HOMER2: variants seen among roughly 807,000 people sequenced by gnomAD.
HOMER2 encodes the protein homer scaffold protein 2.
Under a neutral mutation model 47.0 loss-of-function variants are expected in HOMER2, and 27 were observed. The observed-to-expected ratio is 0.57, with a 90% confidence interval of 0.42 to 0.79. The LOEUF is 0.79. Among genes scored for constraint, HOMER2 ranks in the 30% least tolerant of loss-of-function variants. The probability of loss-of-function intolerance (pLI) is 0.00; values close to 1 mark genes in which losing one functional copy is unlikely to be tolerated. For missense variants in HOMER2, 443 were observed against 435.0 expected (o/e 1.02, Z -0.16); for synonymous variants, 161 against 163.8 (o/e 0.98, Z 0.13).
intron 1 of HOMER2, among the ~76,000 whole-genome samples, chr15:82,928,752 T>C (rs1411672900): frequency 6.6e-6 from 1 of 151,622 alleles, no homozygotes; most frequent in Non-Finnish European, 1.5e-5. Context: ...CAGTCTCACC[T>C]CTCACCTAGG....
At chr15:82,871,738 T>C (rs2052182260) in intron 3 of HOMER2, among the ~76,000 whole-genome samples, 1 of 152,174 alleles carries the variant, frequency 6.6e-6, no homozygotes, top group Non-Finnish European at 1.5e-5. Flanking sequence ...TTCTTCTGTC[T>C]GGGAAAAATT....
At chr15:82,839,837 TTTC>T (rs1320786974) in exon 2 of HOMER2, 113 of 152,338 alleles carry the variant, frequency 7.4e-4, no homozygotes, top group African/African-American at 2.6e-3. Flanking sequence ...GAGAATATGC[TTTC>T]TTCTTCAGTT....
rs771868186 is a variant in HOMER2, at chr15:82,892,700, A to G, written c.147T>C (p.Ser49=). ...DVTRNSYRII[S]VDGAKVIINS... Reference sequence around the variant, plus strand: ...GGGGTGGTACCTTGGCTCCGTCCACACTGATGATCCGATAGCTGTTCCTTG... The same window carrying G: ...GGGGTGGTACCTTGGCTCCGTCCACGCTGATGATCCGATAGCTGTTCCTTG... Residue 49 remains serine (S), a synonymous_variant, in exon 2 of 9, where the codon AGT becomes AGC. Coordinates refer to ENST00000450735, the MANE Select transcript of HOMER2 (RefSeq NM_004839.4). The G allele has an allele frequency of 1.1e-5, 18 of 1,582,364 alleles. No homozygotes were observed. In the East Asian group the frequency reaches 4.0e-4, roughly 36 times the overall value.
chr15:82,937,520 G>A (rs551948056), intron 1 of HOMER2, among the ~76,000 whole-genome samples: 10 of 152,038 alleles, frequency 6.6e-5, no homozygotes, highest in Non-Finnish European at 1.2e-4. Flanking sequence ...ATTAATGTTC[G>A]TTCCCTCCAA....
intron 1 of HOMER2, among the ~76,000 whole-genome samples, chr15:82,936,999 A>G (rs924058152): frequency 6.6e-6 from 1 of 152,240 alleles, no homozygotes; most frequent in African/African-American, 2.4e-5. Flanking sequence ...TATTCAGGGT[A>G]CACACAAGAC....
intron 1 of HOMER2, among the ~76,000 whole-genome samples, chr15:82,950,343 T>TG (rs1199790155): frequency 1.3e-5 from 2 of 151,734 alleles, no homozygotes; most frequent in African/African-American, 4.8e-5. Context: ...CATCTCAAGT[T>TG]GGGGGGAGGT....
chr15:82,905,351 A>G (rs1250477282), intron 1 of HOMER2, among the ~76,000 whole-genome samples: 1 of 151,982 alleles, frequency 6.6e-6, no homozygotes, highest in Non-Finnish European at 1.5e-5. Context: ...TAAGATAGGC[A>G]TAATAAAAAT....
chr15:82,966,472 C>G (rs1199305992), intron 1 of HOMER2, among the ~76,000 whole-genome samples: 2 of 152,202 alleles, frequency 1.3e-5, no homozygotes, highest in African/African-American at 4.8e-5. Flanking sequence ...CTCCAGTGCA[C>G]ACCCTGTTGC....
At chr15:82,948,409 A>G (rs1051115933) in intron 1 of HOMER2, among the ~76,000 whole-genome samples, 3 of 151,488 alleles carry the variant, frequency 2.0e-5, no homozygotes, top group Non-Finnish European at 4.4e-5. Flanking sequence ...AAAAAAAAAA[A>G]AGAATTAGCT....
chr15:82,891,546 C>T (rs984526863), intron 2 of HOMER2, among the ~76,000 whole-genome samples: 2 of 152,152 alleles, frequency 1.3e-5, no homozygotes, highest in Non-Finnish European at 2.9e-5. Context: ...TGGAGGCTTC[C>T]CCACACCTTC....
intron 1 of HOMER2, among the ~76,000 whole-genome samples, chr15:82,922,740 C>A (rs1402041574): frequency 1.3e-5 from 2 of 152,102 alleles, no homozygotes; most frequent in South Asian, 2.1e-4. Context: ...GTGAAGGCAG[C>A]CTTCTGAGCC....
chr15:82,938,538 C>T (rs2054191169), intron 1 of HOMER2, among the ~76,000 whole-genome samples: 1 of 152,112 alleles, frequency 6.6e-6, no homozygotes, highest in African/African-American at 2.4e-5. Context: ...TGCCTCTCAT[C>T]CTTCTCTAAG....
chr15:82,864,490 G>A (rs1052452289), intron 3 of HOMER2, among the ~76,000 whole-genome samples: 1 of 152,160 alleles, frequency 6.6e-6, no homozygotes, highest in Non-Finnish European at 1.5e-5. Context: ...TGATGATGAT[G>A]TATTAAAAAC....
chr15:82,961,736 C>T (rs1471579822), intron 1 of HOMER2, among the ~76,000 whole-genome samples: 2 of 152,096 alleles, frequency 1.3e-5, no homozygotes, highest in East Asian at 3.9e-4. Flanking sequence ...CACCACTATC[C>T]ATCTCCAGAA....
intron 1 of HOMER2, among the ~76,000 whole-genome samples, chr15:82,983,650 G>C (rs138529548): frequency 0.034 from 5,198 of 151,794 alleles, 269 homozygotes; most frequent in African/African-American, 0.12. Flanking sequence ...GGGCAGTGGT[G>C]CAATCTCGGC....
chr15:82,912,300 G>C, intron 1 of HOMER2, among the ~76,000 whole-genome samples: 1 of 152,068 alleles, frequency 6.6e-6, no homozygotes, highest in Non-Finnish European at 1.5e-5. Flanking sequence ...CTCTGAATTT[G>C]CCTGTTTCAG....
Position 82,864,191 on chromosome 15 carries a change from G to T in HOMER2, c.363C>A (p.Ile121=). ...CTTGGGAATGATTACTTGAGGTCTCGATTTTCTCCTGCGTCTTGTCTTTGG... is the reference window on the plus strand; with the variant it reads ...CTTGGGAATGATTACTTGAGGTCTCTATTTTCTCCTGCGTCTTGTCTTTGG... The part of the protein sequence containing the change: ...KIAKDKTQEK[I]ETSSNHSQAS... Residue 121 remains isoleucine (I), a synonymous_variant, in exon 4 of 9, where the codon ATC becomes ATA. Coordinates refer to ENST00000450735, the MANE Select transcript of HOMER2 (RefSeq NM_004839.4). The T allele has an allele frequency of 6.2e-7, 1 of 1,610,442 alleles. No homozygotes were observed. Among genetic ancestry groups the T allele is most frequent in the Non-Finnish European group, 8.5e-7 (1 of 1,178,052 alleles).
intron 1 of HOMER2, among the ~76,000 whole-genome samples, chr15:82,922,431 T>C (rs1168725315): frequency 6.6e-6 from 1 of 152,202 alleles, no homozygotes. Flanking sequence ...GCCTGCATGA[T>C]ACCTCCCTGC....
upstream of HOMER2, among the ~76,000 whole-genome samples, chr15:82,955,165 CT>C (rs1259289300): frequency 6.8e-6 from 1 of 147,364 alleles, no homozygotes; most frequent in Non-Finnish European, 1.5e-5. Context: ...CTTTCTTTTT[CT>C]TTTTCTTTTT....
Sources: gnomAD v4.1 joint callset for allele counts (sites outside exome capture counted in the v4.1 genomes callset) on GRCh38, gnomAD v4.1.1 for gene constraint, MANE v1.5 for transcripts, NCBI Gene and HGNC (gene_info 2026-07-23, HGNC 2026-07-21) for gene names.